Variants in RBFOX2 observed in about 807,000 individuals in gnomAD.
RBFOX2 encodes RNA binding protein fox-1 homolog 2.
RBFOX2 carries 10 observed loss-of-function variants against 49.1 expected under a neutral mutation model. That is an observed-to-expected ratio of 0.20 (90% CI 0.13 to 0.35). The LOEUF is 0.35. Ranked by LOEUF, RBFOX2 falls within the 10% of genes least tolerant of loss-of-function variation. The pLI, the probability that RBFOX2 is intolerant of heterozygous loss-of-function variation, is 1.00. For missense variants in RBFOX2, 323 were observed against 486.9 expected (o/e 0.66, Z 3.17); for synonymous variants, 183 against 187.4 (o/e 0.98, Z 0.19).
intron 1 of RBFOX2, among the ~76,000 whole-genome samples, chr22:35,930,627 C>T (rs1259741665): frequency 6.6e-6 from 1 of 151,646 alleles, no homozygotes; most frequent in Non-Finnish European, 1.5e-5. Context: ...GTCAGGAGTT[C>T]GAGATCAGCC....
At chr22:35,762,589 C>T (rs1252757615) in intron 6 of RBFOX2, among the ~76,000 whole-genome samples, 1 of 150,768 alleles carries the variant, frequency 6.6e-6, no homozygotes, top group Non-Finnish European at 1.5e-5. Flanking sequence ...TCACCACAAC[C>T]TCGGCTCCTG....
chr22:36,004,053 A>G (rs565559923), intron 1 of RBFOX2, among the ~76,000 whole-genome samples: 65 of 152,286 alleles, frequency 4.3e-4, no homozygotes, highest in African/African-American at 1.5e-3. Context: ...ATAAAACTCA[A>G]AAATGTCTCC....
chr22:35,907,561 T>C (rs1467275588), intron 1 of RBFOX2, among the ~76,000 whole-genome samples: 2 of 152,206 alleles, frequency 1.3e-5, no homozygotes, highest in Non-Finnish European at 2.9e-5. Flanking sequence ...TAAGATTCTG[T>C]GTGGGGAAGA....
intron 1 of RBFOX2, among the ~76,000 whole-genome samples, chr22:35,931,706 T>C (rs1289469663): frequency 1.3e-5 from 2 of 151,902 alleles, no homozygotes; most frequent in Non-Finnish European, 2.9e-5. Flanking sequence ...GCCTGGGAGG[T>C]GGAGGTTGCA....
rs67338312 is a variant in RBFOX2, at chr22:35,767,308, TTTAA to T, written c.546+945_546+948del. Among the ~76,000 whole-genome samples, 755 of 152,326 alleles carry T rather than the reference TTTAA, an allele frequency of 5.0e-3. 5 individuals carry two copies. Among genetic ancestry groups the T allele is most frequent in the African/African-American group, 0.014 (570 of 41,582 alleles). On this transcript the variant is annotated intron_variant, in intron 5 of 11. Transcript: ENST00000405409. ...TGGCAGATGGACTTTTTCTTTCTTA[TTTAA>T]TTGTTTTGTAATTACATTTTTAAAA...
At position 35,969,485 on chromosome 22, in the gene RBFOX2, A is replaced by G. The variant is rs566152468; in HGVS notation, c.187-30588T>C. 1.2e-4 allele frequency among the ~76,000 whole-genome samples: 18 copies of G among 152,272 alleles called. 1 individual carries two copies. In the South Asian group the frequency reaches 3.5e-3, roughly 30 times the overall value. Reference sequence around the variant, plus strand: ...ACTACTTGGGAGGCTGAGGCACAAGAATCACTTGAACTCAGGAGGTCGAGG... The same window carrying G: ...ACTACTTGGGAGGCTGAGGCACAAGGATCACTTGAACTCAGGAGGTCGAGG... On this transcript the variant is annotated intron_variant, in intron 1 of 13. Coordinates refer to the RBFOX2 transcript ENST00000438146.
intron 1 of RBFOX2, among the ~76,000 whole-genome samples, chr22:35,853,058 C>T (rs1425940025): frequency 6.6e-6 from 1 of 152,004 alleles, no homozygotes; most frequent in African/African-American, 2.4e-5. Context: ...CTTTGGAAGG[C>T]CAAGGCGAGC....
At chr22:35,744,361 G>T in intron 11 of RBFOX2, 112 bp from the exon 14 acceptor site, 1 of 995,924 alleles carries the variant, frequency 1.0e-6, no homozygotes, top group Non-Finnish European at 1.4e-6. Context: ...AAGCCTCAAA[G>T]CAACTGATCA....
chr22:35,977,739 T>G lies in RBFOX2; in HGVS notation c.187-38842A>C, dbSNP rs1294377529. Among the ~76,000 whole-genome samples the G allele has an allele frequency of 3.3e-4, 46 of 137,664 alleles. 1 individual carries two copies. The highest frequency in any genetic ancestry group is 1.1e-3 in the African/African-American group (41 of 36,782). The allele number at this position is 137,664 out of a possible 152,430, so 90.3% of individuals were successfully genotyped here. On this transcript the variant is annotated intron_variant, in intron 1 of 13. Transcript: ENST00000438146. Reference sequence around the variant, plus strand: ...TGAATGAACTATATATATATATATATATATATATATATATATATATATACA... The same window carrying G: ...TGAATGAACTATATATATATATATAGATATATATATATATATATATATACA...
chr22:35,934,654 A>T (rs998311241), intron 1 of RBFOX2, among the ~76,000 whole-genome samples: 1 of 152,162 alleles, frequency 6.6e-6, no homozygotes. Context: ...AACCCCTAAG[A>T]GCCATCCCAT....
At chr22:35,833,927 T>C (rs1957213413) in intron 1 of RBFOX2, among the ~76,000 whole-genome samples, 1 of 152,132 alleles carries the variant, frequency 6.6e-6, no homozygotes, top group South Asian at 2.1e-4. Flanking sequence ...ATTTTTATCA[T>C]AGAATAATGT....
At chr22:35,934,871 A>C (rs2052871307) in intron 1 of RBFOX2, among the ~76,000 whole-genome samples, 4 of 152,176 alleles carry the variant, frequency 2.6e-5, no homozygotes, top group Admixed American at 2.6e-4. Context: ...CACAAATCAC[A>C]AACAGTCAAC....
intron 1 of RBFOX2, among the ~76,000 whole-genome samples, chr22:35,870,614 G>T (rs1407282485): frequency 6.6e-6 from 1 of 152,168 alleles, no homozygotes; most frequent in Non-Finnish European, 1.5e-5. Context: ...GATTTGGCTT[G>T]ATTTATATAG....
chr22:35,952,014 T>C (rs952048093), intron 1 of RBFOX2, among the ~76,000 whole-genome samples: 6 of 152,216 alleles, frequency 3.9e-5, no homozygotes, highest in Admixed American at 1.3e-4. Flanking sequence ...GTGGCTCTTA[T>C]CTGTTAATGC....
chr22:35,888,547 C>T (rs2046874235), intron 1 of RBFOX2, among the ~76,000 whole-genome samples: 1 of 152,138 alleles, frequency 6.6e-6, no homozygotes, highest in South Asian at 2.1e-4. Context: ...GTTTATTTGG[C>T]TCACAGTTCT....
At chr22:35,890,946 A>G (rs1294257532) in intron 1 of RBFOX2, among the ~76,000 whole-genome samples, 1 of 151,978 alleles carries the variant, frequency 6.6e-6, no homozygotes, top group Non-Finnish European at 1.5e-5. Context: ...TGCTTTCCTC[A>G]CCTGTACAAT....
In RBFOX2 at chr22:35,889,041, C is replaced by G. The variant is rs142853572; in HGVS notation, c.-34+49806G>C. Among the ~76,000 whole-genome samples, 40 of 152,198 alleles carry G rather than the reference C, an allele frequency of 2.6e-4. No individual in the cohort carries two copies. In the East Asian group the frequency reaches 6.2e-3, roughly 24 times the overall value. ...GTGGTGTGGGTGCCTGTAATCCCAG[C>G]TACCTGGGAGGCTTGAGGCAGGAGA... On this transcript the variant is annotated intron_variant, in intron 1 of 13. Transcript: ENST00000359369.
intron 1 of RBFOX2, among the ~76,000 whole-genome samples, chr22:36,004,287 T>A (rs539811824): frequency 1.3e-5 from 2 of 152,302 alleles, no homozygotes; most frequent in African/African-American, 2.4e-5. Context: ...CAGGGGGCAC[T>A]ACCTACACCA....
chr22:35,886,912 C>T (rs971092333), intron 1 of RBFOX2, among the ~76,000 whole-genome samples: 7 of 152,114 alleles, frequency 4.6e-5, no homozygotes, highest in Non-Finnish European at 7.4e-5. Flanking sequence ...ATATTTTTGT[C>T]GTTGTTGGGA....
Sources: gnomAD v4.1 joint callset for allele counts (sites outside exome capture counted in the v4.1 genomes callset) on GRCh38, gnomAD v4.1.1 for gene constraint, MANE v1.5 for transcripts, NCBI Gene and HGNC (gene_info 2026-07-23, HGNC 2026-07-21) for gene names.